Variants in PCDH11Y observed in about 807,000 individuals in gnomAD.
PCDH11Y encodes the protein protocadherin-11 Y-linked.
For synonymous variants in PCDH11Y, 9 were observed against 83.6 expected, an observed-to-expected ratio of 0.11 and a Z score of 4.87; for missense variants, 12 against 224.8, an observed-to-expected ratio of 0.05 and a Z score of 6.05.
chrY:5,285,068 C>A, intron 2 of PCDH11Y, among the ~76,000 whole-genome samples: 1 of 31,386 alleles, frequency 3.2e-5, no homozygotes. Flanking sequence ...CACCCTCCAC[C>A]CTGAAGTAGA....
intron 2 of PCDH11Y, among the ~76,000 whole-genome samples, chrY:5,292,037 A>C: frequency 3.0e-5 from 1 of 33,428 alleles, no homozygotes; most frequent in African/African-American, 1.2e-4. Flanking sequence ...CATTCTGTCG[A>C]TATGACATAT....
chrY:5,399,269 A>C (rs2053229935), intron 2 of PCDH11Y, among the ~76,000 whole-genome samples: 44 of 32,597 alleles, frequency 1.3e-3, no homozygotes, highest in South Asian at 8.3e-3. Flanking sequence ...TTTGCCTCCT[A>C]ATCACTGCAG....
chrY:5,210,596 CT>C (rs2052937739), intron 2 of PCDH11Y, among the ~76,000 whole-genome samples: 1 of 20,000 alleles, frequency 5.0e-5, no homozygotes, highest in African/African-American at 2.0e-4. Flanking sequence ...TCTTCCCTCA[CT>C]TTCCTATCTG....
At chrY:5,435,463 G>A in intron 2 of PCDH11Y, among the ~76,000 whole-genome samples, 1 of 30,804 alleles carries the variant, frequency 3.2e-5, no homozygotes, top group Non-Finnish European at 7.8e-5. Context: ...ACAGGCGCCC[G>A]CCACCATGCC....
At chrY:5,353,706 A>T in intron 2 of PCDH11Y, among the ~76,000 whole-genome samples, 1 of 32,776 alleles carries the variant, frequency 3.1e-5, no homozygotes, top group South Asian at 7.0e-4. Context: ...GAGGGGAAAA[A>T]GTCTTTTCCC....
At chrY:5,361,384 G>A (rs2124671833) in intron 2 of PCDH11Y, among the ~76,000 whole-genome samples, 2 of 31,984 alleles carry the variant, frequency 6.3e-5, no homozygotes, top group Middle Eastern at 0.014. Context: ...AATTACATGA[G>A]CTAGTTTTCT....
At chrY:5,472,394 T>C in intron 2 of PCDH11Y, among the ~76,000 whole-genome samples, 6 of 31,531 alleles carry the variant, frequency 1.9e-4, no homozygotes, top group African/African-American at 7.4e-4. Flanking sequence ...TGCTGGAAAA[T>C]ATATTTCTTA....
chrY:5,179,312 T>C (rs2052897382), intron 2 of PCDH11Y, among the ~76,000 whole-genome samples: 1 of 33,222 alleles, frequency 3.0e-5, no homozygotes, highest in South Asian at 6.7e-4. Flanking sequence ...TTTTTAATAA[T>C]AGCCATTCTG....
rs72617653 is a variant in PCDH11Y at position 5,384,957 on chromosome Y, C to A, written c.3130-116100C>A. ...TTAATGTTTCAGTTTGATTATAAGG[C>A]ACTTATCATGAGTGACTCCATTTTG... On this transcript the variant is annotated intron_variant, in intron 2 of 4. Transcript: ENST00000400457. Among the ~76,000 whole-genome samples, 946 of 30,190 alleles carry A rather than the reference C, an allele frequency of 0.031. No individual in the cohort carries two copies. In the East Asian group the frequency reaches 0.79, roughly 25 times the overall value. 81.0% of individuals were successfully genotyped at this position (30,190 alleles called of 37,273 possible).
chrY:5,317,904 AT>A, intron 2 of PCDH11Y, among the ~76,000 whole-genome samples: 1 of 33,044 alleles, frequency 3.0e-5, no homozygotes. Context: ...TGATACATAA[AT>A]ATTATTTCAT....
downstream of PCDH11Y, among the ~76,000 whole-genome samples, chrY:5,107,973 G>C (rs2052795055): frequency 3.3e-5 from 1 of 30,183 alleles, no homozygotes. Flanking sequence ...GCAGGAGAAT[G>C]GCGTGAACCC....
chrY:5,270,262 C>T, intron 2 of PCDH11Y, among the ~76,000 whole-genome samples: 1 of 26,868 alleles, frequency 3.7e-5, no homozygotes, highest in Non-Finnish European at 8.6e-5. Context: ...AATCCCAGCA[C>T]TTTCGAAGGC....
chrY:5,247,360 G>T (rs2052997247), intron 2 of PCDH11Y, among the ~76,000 whole-genome samples: 1 of 33,291 alleles, frequency 3.0e-5, no homozygotes, highest in South Asian at 6.7e-4. Context: ...AAATGCAAAA[G>T]AATTGAAATC....
intron 2 of PCDH11Y, among the ~76,000 whole-genome samples, chrY:5,498,359 AC>A (rs2053348199): frequency 2.9e-5 from 1 of 34,564 alleles, no homozygotes; most frequent in African/African-American, 1.1e-4. Flanking sequence ...TAGGTTAGAT[AC>A]CTTTCACTGT....
chrY:5,182,763 A>G lies in PCDH11Y; in HGVS notation c.3129+82056A>G, dbSNP rs201927181. 1.6e-3 allele frequency among the ~76,000 whole-genome samples: 54 copies of G among 33,343 alleles called. No homozygotes were observed. The East Asian group carries it at 0.041, about 25-fold the overall frequency. 89.5% of individuals were successfully genotyped at this position (33,343 alleles called of 37,273 possible). A position where few individuals can be genotyped will look rare whatever the true frequency, so the allele number is the denominator to read the frequency against. On this transcript the variant is annotated intron_variant, in intron 2 of 4. Transcript: ENST00000400457. ...GCCCTTCCTTATCTGGACCATCTGT[A>G]TTCTCCACAGGGGGCAGGCTGGAAT... is the stretch of plus-strand genomic sequence containing the variant.
chrY:5,718,133 A>C, intron 4 of PCDH11Y, among the ~76,000 whole-genome samples: 1 of 33,237 alleles, frequency 3.0e-5, no homozygotes, highest in Non-Finnish European at 7.4e-5. Flanking sequence ...ATGGTTAATC[A>C]TTCCAAAAAG....
At chrY:5,021,474 G>A in intron 1 of PCDH11Y, among the ~76,000 whole-genome samples, 1 of 33,796 alleles carries the variant, frequency 3.0e-5, no homozygotes, top group Non-Finnish European at 7.3e-5. Context: ...GTTGCAGTGA[G>A]CCGAGACCGC....
chrY:5,180,348 T>C (rs2052898655), intron 2 of PCDH11Y, among the ~76,000 whole-genome samples: 1 of 33,735 alleles, frequency 3.0e-5, no homozygotes, highest in Admixed American at 2.7e-4. Flanking sequence ...TACTTCCTAT[T>C]ATGTGATCAA....
intron 2 of PCDH11Y, among the ~76,000 whole-genome samples, chrY:5,360,499 T>C (rs2053173712): frequency 3.1e-5 from 1 of 32,583 alleles, no homozygotes; most frequent in African/African-American, 1.2e-4. Flanking sequence ...AGAACACACA[T>C]ACTGTAATTT....
Sources: allele counts gnomAD v4.1 joint callset (sites outside exome capture counted in the v4.1 genomes callset), GRCh38; gene constraint gnomAD v4.1.1; transcripts MANE v1.5; gene names NCBI Gene and HGNC (gene_info 2026-07-23, HGNC 2026-07-21).